The following SRPK1 variants were observed in gnomAD, a reference collection of about 807,000 sequenced individuals.
The protein encoded by SRPK1 is SRSF protein kinase 1.
SRPK1 carries 52 observed loss-of-function variants against 89.5 expected under a neutral mutation model. The ratio of observed to expected loss-of-function variants is 0.58; its 90% CI spans 0.46 to 0.73. SRPK1 has a LOEUF of 0.73. Among genes scored for constraint, SRPK1 ranks in the 30% least tolerant of loss-of-function variants. The pLI, the probability that SRPK1 is intolerant of heterozygous loss-of-function variation, is 0.00. For synonymous variants in SRPK1, 255 were observed against 270.2 expected, an observed-to-expected ratio of 0.94 and a Z score of 0.55; for missense variants, 603 against 780.6, an observed-to-expected ratio of 0.77 and a Z score of 2.71.
chr6:35,883,706 C>T (rs1042596222), intron 6 of SRPK1, among the ~76,000 whole-genome samples: 12 of 150,688 alleles, frequency 8.0e-5, no homozygotes, highest in African/African-American at 2.9e-4. Context: ...GAGTAGCAAT[C>T]AGAAGCACTA....
intron 14 of SRPK1, among the ~76,000 whole-genome samples, chr6:35,840,079 T>C (rs939791917): frequency 6.6e-6 from 1 of 152,158 alleles, no homozygotes; most frequent in Non-Finnish European, 1.5e-5. Context: ...AGTGCTGGGA[T>C]TACAGGCGTG....
intron 2 of SRPK1, among the ~76,000 whole-genome samples, chr6:35,897,843 G>T (rs887832058): frequency 3.3e-5 from 5 of 152,136 alleles, no homozygotes; most frequent in African/African-American, 9.7e-5. Context: ...CTTCCACTGC[G>T]TATTCTATTG....
chr6:35,838,554 C>T (rs1401131503), intron 14 of SRPK1, 125 bp from the exon 15 acceptor site: 1 of 1,346,202 alleles, frequency 7.4e-7, no homozygotes, highest in South Asian at 1.3e-5. Context: ...ATCAGGCTTA[C>T]TTTCTATCCT....
chr6:35,869,540 T>C lies in SRPK1; in HGVS notation c.1353A>G (p.Ala451=). Residue 451 remains alanine (A), a synonymous_variant, in exon 11 of 16, where the codon GCA becomes GCG. Transcript: ENST00000373825. The part of the protein sequence containing the change: ...HISQLQESIR[A]EIPCEDEQEQ... The stretch of plus-strand genomic sequence containing the variant: ...CTTGTTCATCTTCACAGGGTATCTC[T>C]GCCCGAATGCTTTCTTGAAGTTGGC... The C allele has an allele frequency of 6.2e-7, 1 of 1,614,028 alleles. No homozygotes were observed. The highest frequency in any genetic ancestry group is 8.5e-7 in the Non-Finnish European group (1 of 1,179,874).
chr6:35,838,508 C>G, intron 14 of SRPK1, 79 bp from the exon 15 acceptor site: 2 of 1,351,598 alleles, frequency 1.5e-6, no homozygotes, highest in African/African-American at 1.5e-5. Flanking sequence ...TAGAAAACAG[C>G]AGAAGGAGCA....
chr6:35,855,494 G>A (rs183045990), intron 13 of SRPK1, among the ~76,000 whole-genome samples: 137 of 152,218 alleles, frequency 9.0e-4, no homozygotes, highest in Non-Finnish European at 6.8e-4. Flanking sequence ...GTTTTTCCCA[G>A]AGTTGCCTGT....
intron 12 of SRPK1, among the ~76,000 whole-genome samples, chr6:35,867,379 G>T (rs2127243046): frequency 6.6e-6 from 1 of 152,272 alleles, no homozygotes; most frequent in Admixed American, 6.5e-5. Context: ...TTTCTAAAAG[G>T]TTATCACAAT....
chr6:35,879,343 T>C (rs1582013523), intron 6 of SRPK1, among the ~76,000 whole-genome samples: 1 of 151,228 alleles, frequency 6.6e-6, no homozygotes, highest in Admixed American at 6.6e-5. Flanking sequence ...GCCCAGGGGG[T>C]TGAGACCAGC....
At chr6:35,917,832 C>T (rs661658) in intron 2 of SRPK1, among the ~76,000 whole-genome samples, 51,548 of 152,086 alleles carry the variant, frequency 0.34, 8,991 homozygotes, top group South Asian at 0.43. Flanking sequence ...TCAGTTTTCA[C>T]TATGACTGAA....
intron 13 of SRPK1, chr6:35,857,051 T>C: frequency 4.3e-6 from 2 of 463,362 alleles, no homozygotes; most frequent in Non-Finnish European, 7.7e-6. Context: ...TTTTGGTTCC[T>C]TCACCTAACA....
intron 2 of SRPK1, among the ~76,000 whole-genome samples, chr6:35,894,759 T>C (rs573321376): frequency 6.6e-6 from 1 of 152,292 alleles, no homozygotes; most frequent in African/African-American, 2.4e-5. Context: ...TAACCTAGTC[T>C]AAGTATCAAC....
At chr6:35,879,882 G>A (rs1770235593) in intron 6 of SRPK1, among the ~76,000 whole-genome samples, 1 of 151,728 alleles carries the variant, frequency 6.6e-6, no homozygotes, top group African/African-American at 2.4e-5. Context: ...GACCAACCTG[G>A]GCCACACAGT....
chr6:35,841,257 G>A (rs1218127468), intron 14 of SRPK1, among the ~76,000 whole-genome samples: 1 of 152,004 alleles, frequency 6.6e-6, no homozygotes, highest in Non-Finnish European at 1.5e-5. Context: ...CACTTAAATA[G>A]GCATTCATGG....
intron 6 of SRPK1, among the ~76,000 whole-genome samples, chr6:35,881,664 T>G (rs1378948460): frequency 6.6e-6 from 1 of 151,542 alleles, no homozygotes; most frequent in African/African-American, 2.4e-5. Context: ...AGAAGGACAT[T>G]ATCTATATTA....
In SRPK1 at chr6:35,870,385, G is replaced by A. The variant is rs767137710; in HGVS notation, c.887C>T (p.Ser296Leu). Residue 296 changes from serine (S) to leucine (L), a missense_variant, in exon 10 of 16, where the codon TCG becomes TTG. By Grantham distance (145) the Ser-to-Leu change is moderately radical (BLOSUM62 -2). Coordinates refer to ENST00000373825, the MANE Select transcript of SRPK1 (RefSeq NM_003137.5). ...GTTTGGTCTTTTTTGCCCAGGGCCC[G>A]ACTCTTTCTCCATTTCCTCAATTTC... ...MQEIEEMEKE[S>L]GPGQKRPNKQ... The A allele has an allele frequency of 6.9e-6, 11 of 1,599,074 alleles. No homozygotes were observed. Among genetic ancestry groups the A allele is most frequent in the East Asian group, 2.2e-5 (1 of 44,614 alleles).
intron 2 of SRPK1, among the ~76,000 whole-genome samples, chr6:35,900,277 G>C (rs977979033): frequency 3.3e-5 from 5 of 152,178 alleles, no homozygotes; most frequent in Non-Finnish European, 5.9e-5. Context: ...CTACCTCATA[G>C]GGCATTTGCG....
In SRPK1 at chr6:35,869,789, G is replaced by A. The variant is rs199917638; in HGVS notation, c.1104C>T (p.Asn368=). 21 of 1,613,566 alleles carry A rather than the reference G, an allele frequency of 1.3e-5. No homozygotes were observed. The African/African-American group carries it at 1.5e-4, about 11-fold the overall frequency. ...GVIEVINYTQ[N]SNNETLRHKE... ...TATGTCTCAATGTTTCATTATTACT[G>A]TTCTGAGTATAATTAATGACTTCAA... The change falls in exon 11 of 16, where the codon AAC becomes AAT. Residue 368 remains asparagine (N), a synonymous_variant. Transcript: ENST00000373825.
intron 7 of SRPK1, 65 bp from the exon 8 acceptor site, chr6:35,872,793 T>C: frequency 7.2e-7 from 1 of 1,384,470 alleles, no homozygotes; most frequent in Non-Finnish European, 9.5e-7. Context: ...AAGTAAGAGA[T>C]TATAACATGA....
chr6:35,880,364 G>A (rs371020436), intron 6 of SRPK1, among the ~76,000 whole-genome samples: 1 of 151,962 alleles, frequency 6.6e-6, no homozygotes, highest in African/African-American at 2.4e-5. Context: ...AAGTGAAGAG[G>A]CTTAAGGGAC....
Sources: gnomAD v4.1 joint callset for allele counts (sites outside exome capture counted in the v4.1 genomes callset) on GRCh38, gnomAD v4.1.1 for gene constraint, MANE v1.5 for transcripts, NCBI Gene and HGNC (gene_info 2026-07-23, HGNC 2026-07-21) for gene names.